VEGFB: variants seen among roughly 807,000 people sequenced by gnomAD.
The protein encoded by VEGFB is vascular endothelial growth factor B.
A neutral mutation model predicts 22.5 loss-of-function variants in VEGFB; 24 were observed. That is an observed-to-expected ratio of 1.07 (90% CI 0.77 to 1.50). VEGFB has a LOEUF of 1.50. VEGFB is among the 40% of genes most tolerant of loss of function. The probability of loss-of-function intolerance (pLI) is 0.00; values close to 1 mark genes in which losing one functional copy is unlikely to be tolerated. For missense variants in VEGFB, 327 were observed against 287.8 expected (o/e 1.14, Z -0.99); for synonymous variants, 141 against 117.4 (o/e 1.20, Z -1.30).
At chr11:64,236,084 G>A (rs1020588250) in intron 3 of VEGFB, 75 bp downstream of exon 3, 9 of 1,527,486 alleles carry the variant, frequency 5.9e-6, no homozygotes, top group African/African-American at 2.7e-5. Context: ...GTGGATGCTG[G>A]CTGGCTCTGG....
In VEGFB at chr11:64,237,083, C is replaced by CGAGAGAGAGAGAG. The variant is rs1555056088; in HGVS notation, c.375-104_375-103insGAGAGAGAGAGAG. The CGAGAGAGAGAGAG allele has an allele frequency of 5.8e-5, 38 of 650,444 alleles. 10 individuals are homozygous for CGAGAGAGAGAGAG. The highest frequency in any genetic ancestry group is 2.1e-4 in the East Asian group (3 of 14,488). The allele number at this position is 650,444 out of a possible 1,614,324, so 40.3% of individuals were successfully genotyped here. On this transcript the variant is annotated intron_variant, in intron 4 of 6. Transcript: ENST00000309422. ...GGGCAAGAAGAGGGAAACACAGTCT[C>CGAGAGAGAGAGAG]AAAGAGAGAGAGAGAGAGAGAGAGA...
chr11:64,237,237 C>A lies in VEGFB; in HGVS notation c.410+15C>A. On this transcript the variant is annotated intron_variant, in intron 5 of 6. Coordinates refer to ENST00000309422, the MANE Select transcript of VEGFB (RefSeq NM_003377.5). ...AAGCCAGACAGGTGAGTCTTTTGGA[C>A]TCCAGCTGAGTAGGGGTATGGGGAG... 6.2e-7 allele frequency: 1 copy of A among 1,607,860 alleles called. No homozygotes were observed. Among genetic ancestry groups the A allele is most frequent in the East Asian group, 2.2e-5 (1 of 44,774 alleles).
Position 64,236,470 on chromosome 11 carries a change from C to G in VEGFB, c.374+143C>G, listed in dbSNP as rs914635009. 5 of 728,950 alleles carry G rather than the reference C, an allele frequency of 6.9e-6. 1 individual carries two copies. Among genetic ancestry groups the G allele is most frequent in the East Asian group, 5.5e-5 (2 of 36,472 alleles). The allele number at this position is 728,950 out of a possible 1,614,324, so 45.2% of individuals were successfully genotyped here. A position where few individuals can be genotyped will look rare whatever the true frequency, so the allele number is the denominator to read the frequency against. ...GTAGCTCACGCCTGTAATCCCAGCA[C>G]TTTGGGAGGCCGAGGCGGGCGGATC... On this transcript the variant is annotated intron_variant, in intron 4 of 6. Transcript: ENST00000309422.
chr11:64,236,381 G>C lies in VEGFB; in HGVS notation c.374+54G>C, dbSNP rs577670071. 5 of 1,562,070 alleles carry C rather than the reference G, an allele frequency of 3.2e-6. No individual in the cohort carries two copies. The East Asian group carries it at 6.7e-5, about 21-fold the overall frequency. On this transcript the variant is annotated intron_variant, in intron 4 of 6. Coordinates refer to ENST00000309422, the MANE Select transcript of VEGFB (RefSeq NM_003377.5). ...GCAGAGGCCAGGCTTGGGGGGTGCT[G>C]GGTATGGTGGTCCACAGAACTGGGG...
At position 64,237,152 on chromosome 11, in the gene VEGFB, C is replaced by T. The variant is rs369881127; in HGVS notation, c.375-35C>T. The T allele has an allele frequency of 1.2e-5, 19 of 1,526,302 alleles. 3 individuals are homozygous for T. In the South Asian group the frequency reaches 1.4e-4, roughly 11 times the overall value. The allele number at this position is 1,526,302 out of a possible 1,614,324, so 94.5% of individuals were successfully genotyped here. On this transcript the variant is annotated intron_variant, in intron 4 of 6. Transcript: ENST00000309422. ...GATGCTGGGATTTCCTGATCTTCCT[C>T]TTGTTTGTCTGTGTCTGTCTATCTT...
chr11:64,235,672 G>A (rs2029954959), intron 2 of VEGFB, 141 bp from the exon 3 acceptor site: 1 of 1,255,652 alleles, frequency 8.0e-7, no homozygotes, highest in African/African-American at 1.5e-5. Flanking sequence ...TGGATAAACA[G>A]GGCAGGGGAA....
Position 64,238,604 on chromosome 11 carries a change from G to A in VEGFB, c.*271G>A, listed in dbSNP as rs61761277. On this transcript the variant is annotated 3_prime_UTR_variant, in exon 7 of 7. Coordinates refer to ENST00000309422, the MANE Select transcript of VEGFB (RefSeq NM_003377.5). ...AAGAGGAGACTGGGAGGCAGCAAGA[G>A]GGGTCACATACCAGCTCAGGGGAGA... 2.3e-3 allele frequency: 1,407 copies of A among 604,518 alleles called. 6 individuals carry two copies. Among genetic ancestry groups the A allele is most frequent in the Non-Finnish European group, 3.1e-3 (1,060 of 341,176 alleles). The allele number at this position is 604,518 out of a possible 1,614,324, so 37.4% of individuals were successfully genotyped here. A position where few individuals can be genotyped will look rare whatever the true frequency, so the allele number is the denominator to read the frequency against.
At chr11:64,238,270 G>A (rs2030242490) in intron 6 of VEGFB, 86 bp from the exon 7 acceptor site, 5 of 1,507,192 alleles carry the variant, frequency 3.3e-6, no homozygotes, top group South Asian at 1.2e-5. Flanking sequence ...CTCAGGTTGT[G>A]ATCTTAGTGG....
intron 6 of VEGFB, 149 bp from the exon 7 acceptor site, chr11:64,238,207 C>T (rs190128740): frequency 1.0e-6 from 1 of 970,408 alleles, no homozygotes; most frequent in Non-Finnish European, 1.5e-6. Flanking sequence ...GCAAAAGGTT[C>T]ATCCTTCGCC....
At position 64,237,126 on chromosome 11, in the gene VEGFB, G is replaced by GATA; in HGVS notation, c.375-61_375-60insATA. On this transcript the variant is annotated intron_variant, in intron 4 of 6. Coordinates refer to ENST00000309422, the MANE Select transcript of VEGFB (RefSeq NM_003377.5). ...GAGAGAGAGAGAGAGAGAGAGAGTAGGATGCTGGGATTTCCTGATCTTCCT... is the reference window on the plus strand; with the variant it reads ...GAGAGAGAGAGAGAGAGAGAGAGTAGATAGATGCTGGGATTTCCTGATCTTCCT... 2.0e-4 allele frequency: 147 copies of GATA among 717,554 alleles called. 41 individuals carry two copies. In the East Asian group the frequency reaches 7.7e-3, roughly 37 times the overall value. 44.4% of individuals were successfully genotyped at this position (717,554 alleles called of 1,614,324 possible).
chr11:64,237,303 C>G, intron 5 of VEGFB, 81 bp downstream of exon 5: 1 of 1,519,470 alleles, frequency 6.6e-7, no homozygotes, highest in Non-Finnish European at 9.1e-7. Context: ...TTTCTCCTCC[C>G]ACCCGTCCCC....
chr11:64,238,266 T>C (rs1591082690), intron 6 of VEGFB, 90 bp from the exon 7 acceptor site: 2 of 1,493,038 alleles, frequency 1.3e-6, no homozygotes, highest in South Asian at 2.4e-5. Context: ...GATGCTCAGG[T>C]TGTGATCTTA....
intron 3 of VEGFB, 110 bp downstream of exon 3, chr11:64,236,119 G>T: frequency 6.6e-7 from 1 of 1,524,370 alleles, no homozygotes. Context: ...GGAGACTGAT[G>T]CACAGGAGAC....
chr11:64,237,055 C>CAA (rs2030104694), intron 4 of VEGFB, 132 bp from the exon 5 acceptor site: 1 of 743,818 alleles, frequency 1.3e-6, no homozygotes, highest in African/African-American at 1.8e-5. Flanking sequence ...TGCACTCCAG[C>CAA]CTGGGCAAGA....
At position 64,237,204 on chromosome 11, in the gene VEGFB, G is replaced by C. The variant is rs1318196217; in HGVS notation, c.392G>C (p.Ser131Thr). 2 of 1,608,438 alleles carry C rather than the reference G, an allele frequency of 1.2e-6. No individual in the cohort carries two copies. Among genetic ancestry groups the C allele is most frequent in the African/African-American group, 2.7e-5 (2 of 74,662 alleles). ...QCECRPKKKDSAVKPDRAATP... is the reference protein window; with the variant it reads ...QCECRPKKKDTAVKPDRAATP... ...CTTTTCAGACCTAAAAAAAAGGACA[G>C]TGCTGTGAAGCCAGACAGGTGAGTC... The change falls in exon 5 of 7, where the codon AGT (serine) becomes ACT (threonine). Residue 131 changes from serine (S) to threonine (T), a missense_variant. Ser to Thr is a moderately conservative substitution (Grantham distance 58). Coordinates refer to ENST00000309422, the MANE Select transcript of VEGFB (RefSeq NM_003377.5).
chr11:64,235,682 A>G (rs544312830), intron 2 of VEGFB, 131 bp from the exon 3 acceptor site: 2 of 1,284,610 alleles, frequency 1.6e-6, no homozygotes, highest in African/African-American at 1.5e-5. Flanking sequence ...GGGCAGGGGA[A>G]GACAGGTTGT....
chr11:64,235,865 G>C lies in VEGFB; in HGVS notation c.156G>C (p.Val52=). 1 of 1,613,988 alleles carries C rather than the reference G, an allele frequency of 6.2e-7. No homozygotes were observed. The highest frequency in any genetic ancestry group is 8.5e-7 in the Non-Finnish European group (1 of 1,180,016). The part of the protein sequence containing the change: ...YTRATCQPRE[V]VVPLTVELMG... ...GCGCTACCTGCCAGCCCCGGGAGGT[G>C]GTGGTGCCCTTGACTGTGGAGCTCA... is the stretch of plus-strand genomic sequence containing the variant. The change falls in exon 3 of 7, where the codon GTG becomes GTC. Residue 52 remains valine (V), a synonymous_variant. Coordinates refer to ENST00000309422, the MANE Select transcript of VEGFB (RefSeq NM_003377.5).
In VEGFB at chr11:64,236,233, CT is replaced by C. The variant is rs766355974; in HGVS notation, c.301-20del. The C allele has an allele frequency of 3.2e-5, 51 of 1,613,176 alleles. No individual in the cohort carries two copies. The highest frequency in any genetic ancestry group is 4.5e-5 in the East Asian group (2 of 44,870). ...TTCTCTCTCTCCCTCACTGTCCCCC[CT>C]GTTCTTCTCCTGAGCACAGATCCTC... On this transcript the variant is annotated intron_variant, in intron 3 of 6. Coordinates refer to ENST00000309422, the MANE Select transcript of VEGFB (RefSeq NM_003377.5).
At position 64,238,763 on chromosome 11, in the gene VEGFB, A is replaced by G; in HGVS notation, c.*430A>G. 1 of 261,772 alleles carries G rather than the reference A, an allele frequency of 3.8e-6. No homozygotes were observed. The highest frequency in any genetic ancestry group is 4.9e-5 in the Admixed American group (1 of 20,230). The allele number at this position is 261,772 out of a possible 1,614,324, so 16.2% of individuals were successfully genotyped here. ...CTTTGGTACAAGAACTGTGACCCCC[A>G]ACCCTGATAAAAGAGATGGAAGGAG... On this transcript the variant is annotated 3_prime_UTR_variant, in exon 7 of 7. Transcript: ENST00000309422.
Sources: gnomAD v4.1 joint callset for allele counts on GRCh38, gnomAD v4.1.1 for gene constraint, MANE v1.5 for transcripts, NCBI Gene and HGNC (gene_info 2026-07-23, HGNC 2026-07-21) for gene names.